The following COL4A5 variants were observed in gnomAD, a reference collection of about 807,000 sequenced individuals.
COL4A5 encodes collagen alpha-5(IV) chain.
In COL4A5, 26 loss-of-function variants were observed where a neutral mutation model predicts 130.2. That is an observed-to-expected ratio of 0.20 (90% CI 0.15 to 0.28). The LOEUF is 0.28. Ranked by LOEUF, COL4A5 falls within the 10% of genes least tolerant of loss-of-function variation. The pLI, the probability that COL4A5 is intolerant of heterozygous loss-of-function variation, is 1.00. For synonymous variants in COL4A5, 496 were observed against 439.6 expected (o/e 1.13, Z -1.60); for missense variants, 1,131 against 1,344.3 (o/e 0.84, Z 2.48).
At chrX:108,492,851 C>A (rs763484132) in intron 1 of COL4A5, among the ~76,000 whole-genome samples, 73 of 111,264 alleles carry the variant, frequency 6.6e-4, no homozygotes, top group Non-Finnish European at 1.2e-3. Context: ...TGCAGAAAAT[C>A]ATTGAGTCTT....
At chrX:108,592,594 C>T (rs2066453925) in intron 21 of COL4A5, among the ~76,000 whole-genome samples, 1 of 111,112 alleles carries the variant, frequency 9.0e-6, no homozygotes, top group East Asian at 2.8e-4. Flanking sequence ...CTCCCCACTG[C>T]CTACCACTCC....
At chrX:108,567,994 T>G (rs2065999951) in intron 4 of COL4A5, among the ~76,000 whole-genome samples, 1 of 111,963 alleles carries the variant, frequency 8.9e-6, no homozygotes, top group African/African-American at 3.2e-5. Context: ...ATGCTGCAAT[T>G]GTTAACTTTG....
chrX:108,616,416 A>G (rs1370389361), intron 30 of COL4A5, among the ~76,000 whole-genome samples: 1 of 110,310 alleles, frequency 9.1e-6, no homozygotes. Context: ...TTGTATTTTT[A>G]GTAGAGACAG....
rs767969603 is a variant in COL4A5, at chrX:108,580,664, C to T, written c.835-18C>T. ...CAGTATCCCATGAACCATTGTGAAA[C>T]TATTTTTATGTGTACAGGGTCCCCC... On this transcript the variant is annotated intron_variant, in intron 14 of 52. Transcript: ENST00000328300. The T allele has an allele frequency of 2.5e-6, 3 of 1,208,258 alleles. No homozygotes were observed. The highest frequency in any genetic ancestry group is 3.4e-6 in the Non-Finnish European group (3 of 892,605).
At chrX:108,476,263 TA>T (rs1482313835) in intron 1 of COL4A5, among the ~76,000 whole-genome samples, 1 of 111,481 alleles carries the variant, frequency 9.0e-6, no homozygotes, top group African/African-American at 3.3e-5. Flanking sequence ...AATTTTTAAT[TA>T]AAAAAGTTTT....
rs181223672 is a variant in COL4A5, at chrX:108,690,949, G to A, written c.4529-1799G>A. On this transcript the variant is annotated intron_variant, in intron 49 of 52. Coordinates refer to ENST00000328300, the MANE Select transcript of COL4A5 (RefSeq NM_033380.3). ...AAGGATGAATGGATAAAGAAGATGT[G>A]GTATATATACACAATGGAATATTAT... Among the ~76,000 whole-genome samples, 204 of 111,153 alleles carry A rather than the reference G, an allele frequency of 1.8e-3. 1 individual carries two copies. The highest frequency in any genetic ancestry group is 3.1e-3 in the Non-Finnish European group (166 of 52,939).
intron 1 of COL4A5, among the ~76,000 whole-genome samples, chrX:108,539,497 G>C (rs772802017): frequency 3.6e-5 from 4 of 111,706 alleles, no homozygotes; most frequent in Non-Finnish European, 7.5e-5. Context: ...CTTGTAAAAT[G>C]ATATTTTTCA....
chrX:108,533,365 A>T (rs2065411747), intron 1 of COL4A5, among the ~76,000 whole-genome samples: 1 of 111,629 alleles, frequency 9.0e-6, no homozygotes, highest in Non-Finnish European at 1.9e-5. Flanking sequence ...TTCTCACCAT[A>T]TACAAAAATT....
intron 4 of COL4A5, among the ~76,000 whole-genome samples, chrX:108,567,034 CT>C (rs201842376): frequency 3.5e-4 from 39 of 111,611 alleles, no homozygotes; most frequent in Admixed American, 9.5e-5. Flanking sequence ...TTCTTATTTG[CT>C]TTTTCCTACA....
Position 108,443,227 on chromosome X carries a change from C to G in COL4A5, c.81+3021C>G, listed in dbSNP as rs138771776. 2.8e-3 allele frequency: 317 copies of G among 112,100 alleles called. 3 individuals carry two copies. The highest frequency in any genetic ancestry group is 9.8e-3 in the African/African-American group (304 of 30,932). The allele number at this position is 112,100 out of a possible 1,213,427, so 9.2% of individuals were successfully genotyped here. ...AAAGATCAGAGTTTGACCTCTGTAT[C>G]TGTATCTAGAGTGAGATTATTTAAA... On this transcript the variant is annotated intron_variant, in intron 1 of 52. Coordinates refer to ENST00000328300, the MANE Select transcript of COL4A5 (RefSeq NM_033380.3).
chrX:108,626,993 T>C (rs2067165152), intron 36 of COL4A5: 2 of 741,696 alleles, frequency 2.7e-6, no homozygotes, highest in African/African-American at 2.3e-5. Context: ...TGGTACTCAG[T>C]TTTCATGGAA....
At chrX:108,624,175 A>C in intron 33 of COL4A5, 61 bp from the exon 34 acceptor site, 1 of 1,005,049 alleles carries the variant, frequency 9.9e-7, no homozygotes, top group Middle Eastern at 2.9e-4. Context: ...TTGCTTTGCC[A>C]AAGTTATTTC....
chrX:108,678,574 A>T (rs951816443), intron 44 of COL4A5, among the ~76,000 whole-genome samples: 1 of 111,589 alleles, frequency 9.0e-6, no homozygotes, highest in Non-Finnish European at 1.9e-5. Flanking sequence ...TTTATATTTT[A>T]TAAAATTCTT....
At chrX:108,516,763 C>G (rs1005427500) in intron 1 of COL4A5, among the ~76,000 whole-genome samples, 3 of 111,522 alleles carry the variant, frequency 2.7e-5, no homozygotes, top group Admixed American at 9.6e-5. Context: ...TATTATGTTA[C>G]TCATGTTTTT....
chrX:108,466,044 C>T (rs1603248801), intron 1 of COL4A5, among the ~76,000 whole-genome samples: 2 of 111,633 alleles, frequency 1.8e-5, no homozygotes, highest in Middle Eastern at 9.2e-3. Context: ...ACTTATTTCA[C>T]TTAGTATTTT....
intron 6 of COL4A5, 103 bp downstream of exon 6, chrX:108,568,924 T>A: frequency 1.4e-6 from 1 of 700,064 alleles, no homozygotes; most frequent in Non-Finnish European, 2.3e-6. Context: ...ATATAGTGTC[T>A]TCAGGTCTTG....
rs1457422538 is a variant in COL4A5, at chrX:108,563,905, A to G, written c.255A>G (p.Pro85=). Residue 85 remains proline, a synonymous_variant, in exon 4 of 53, where the codon CCA becomes CCG. Coordinates refer to ENST00000328300, the MANE Select transcript of COL4A5 (RefSeq NM_033380.3). Reference sequence around the variant, plus strand: ...AGGGTGATGATGGAATTCCAGGGCCACCAGGACCAAAAGGAATCAGAGTAA... The same window carrying G: ...AGGGTGATGATGGAATTCCAGGGCCGCCAGGACCAAAAGGAATCAGAGTAA... ...GQKGDDGIPG[P]PGPKGIRGPP... 1.7e-6 allele frequency: 2 copies of G among 1,207,416 alleles called. No homozygotes were observed. Among genetic ancestry groups the G allele is most frequent in the East Asian group, 5.9e-5 (2 of 33,729 alleles).
intron 6 of COL4A5, among the ~76,000 whole-genome samples, chrX:108,569,285 G>A (rs2066022042): frequency 8.9e-6 from 1 of 111,988 alleles, no homozygotes. Flanking sequence ...ATGTAATACA[G>A]CACATCCGTT....
rs749370986 is a variant in COL4A5, at chrX:108,691,687, A to G, written c.4529-1061A>G. 2.7e-5 allele frequency among the ~76,000 whole-genome samples: 3 copies of G among 111,844 alleles called. No homozygotes were observed. The East Asian group carries it at 8.3e-4, about 31-fold the overall frequency. On this transcript the variant is annotated intron_variant, in intron 49 of 52. Transcript: ENST00000328300. ...AAAAATAAAAATATGTTACATTAGGAAAAAACTGTGTGAGAAAAGTGGAAT... is the reference window on the plus strand; with the variant it reads ...AAAAATAAAAATATGTTACATTAGGGAAAAACTGTGTGAGAAAAGTGGAAT...
Sources: allele counts gnomAD v4.1 joint callset (sites outside exome capture counted in the v4.1 genomes callset), GRCh38; gene constraint gnomAD v4.1.1; transcripts MANE v1.5; gene names NCBI Gene and HGNC (gene_info 2026-07-23, HGNC 2026-07-21).